ACSL3: variants seen among roughly 807,000 people sequenced by gnomAD.
ACSL3 encodes the protein acyl-CoA synthetase long chain family member 3.
ACSL3 carries 34 observed loss-of-function variants against 84.7 expected under a neutral mutation model. The observed-to-expected ratio is 0.40, with a 90% CI of 0.31 to 0.53. The LOEUF is 0.53. ACSL3 is among the 20% of genes least tolerant of loss of function. The probability of loss-of-function intolerance (pLI) is 0.48; values close to 1 mark genes in which losing one functional copy is unlikely to be tolerated. For missense variants in ACSL3, 680 were observed against 873.1 expected (o/e 0.78, Z 2.79); for synonymous variants, 315 against 299.4 (o/e 1.05, Z -0.54).
At chr2:222,902,431 AATTCAAAT>A (rs1243053750) in intron 3 of ACSL3, among the ~76,000 whole-genome samples, 19 of 152,314 alleles carry the variant, frequency 1.2e-4, no homozygotes, top group Admixed American at 1.2e-3. Flanking sequence ...ATTAAAATAT[AATTCAAAT>A]CCTTCAATAA....
chr2:222,922,780 T>G lies in ACSL3; in HGVS notation c.1029T>G (p.Leu343=). 1 of 1,614,222 alleles carries G rather than the reference T, an allele frequency of 6.2e-7. No individual in the cohort carries two copies. Among genetic ancestry groups the G allele is most frequent in the East Asian group, 2.2e-5 (1 of 44,894 alleles). ...AATTAAGTGCTGAGCTTGTCTGTCT[T>G]TCTCACGGATGCCGCATTGGTTACT... is the stretch of plus-strand genomic sequence containing the variant. The part of the protein sequence containing the change: ...VLELSAELVC[L]SHGCRIGYSS... The change falls in exon 9 of 17, where the codon CTT becomes CTG. Residue 343 remains leucine (L), a synonymous_variant. Transcript: ENST00000357430.
chr2:222,877,714 A>C (rs1009941769), intron 1 of ACSL3, among the ~76,000 whole-genome samples: 2 of 152,230 alleles, frequency 1.3e-5, no homozygotes, highest in Admixed American at 6.5e-5. Flanking sequence ...GTTAGATTAC[A>C]TGCTAGAAAT....
intron 1 of ACSL3, among the ~76,000 whole-genome samples, chr2:222,885,929 G>A (rs890994188): frequency 7.9e-5 from 12 of 152,100 alleles, no homozygotes; most frequent in African/African-American, 2.7e-4. Flanking sequence ...TTTTAGTGGA[G>A]TTGGGGTTTC....
chr2:222,884,105 T>C lies in ACSL3; in HGVS notation c.-206-3725T>C, dbSNP rs868616416. On this transcript the variant is annotated intron_variant, in intron 1 of 16. Coordinates refer to ENST00000357430, the MANE Select transcript of ACSL3 (RefSeq NM_004457.5). ...TGATAGTGATGGTTTTTCACAAATATCTGGTGATTAAGAACTTTATCTTCT... is the reference window on the plus strand; with the variant it reads ...TGATAGTGATGGTTTTTCACAAATACCTGGTGATTAAGAACTTTATCTTCT... Among the ~76,000 whole-genome samples the C allele has an allele frequency of 3.0e-4, 46 of 152,362 alleles. 1 individual carries two copies. The highest frequency in any genetic ancestry group is 6.8e-3 in the Middle Eastern group (2 of 294).
chr2:222,930,955 A>AAT, intron 14 of ACSL3, 143 bp downstream of exon 14: 1 of 697,992 alleles, frequency 1.4e-6, no homozygotes, highest in Non-Finnish European at 2.3e-6. Flanking sequence ...TGGAATATAA[A>AAT]ATATTACGGA....
At chr2:222,937,929 C>G (rs908212570) in intron 16 of ACSL3, among the ~76,000 whole-genome samples, 34 of 151,762 alleles carry the variant, frequency 2.2e-4, no homozygotes, top group African/African-American at 8.2e-4. Flanking sequence ...TTCTTTGATT[C>G]CCTTGTCTTT....
chr2:222,892,741 C>T (rs771167614), intron 2 of ACSL3, among the ~76,000 whole-genome samples: 1 of 152,116 alleles, frequency 6.6e-6, no homozygotes. Context: ...TTGGACATGC[C>T]TTGGAGAGAC....
intron 2 of ACSL3, among the ~76,000 whole-genome samples, chr2:222,888,349 T>G (rs1454072596): frequency 6.6e-6 from 1 of 152,238 alleles, no homozygotes; most frequent in Non-Finnish European, 1.5e-5. Context: ...AGCACAATTT[T>G]ATTCTTTCTG....
intron 4 of ACSL3, among the ~76,000 whole-genome samples, chr2:222,913,044 A>G (rs1308228559): frequency 6.6e-6 from 1 of 152,254 alleles, no homozygotes; most frequent in Non-Finnish European, 1.5e-5. Context: ...AAGACTAAAA[A>G]TAGAAACAGA....
chr2:222,872,105 TA>T (rs1362314391), intron 1 of ACSL3, among the ~76,000 whole-genome samples: 1 of 152,182 alleles, frequency 6.6e-6, no homozygotes, highest in African/African-American at 2.4e-5. Flanking sequence ...ATAAAATAGA[TA>T]ATAGTACTAA....
At chr2:222,880,831 CAAA>C (rs34509695) in intron 1 of ACSL3, among the ~76,000 whole-genome samples, 1 of 75,692 alleles carries the variant, frequency 1.3e-5, no homozygotes. Context: ...CTCTGTCTCC[CAAA>C]AAAAAAAAAA....
intron 1 of ACSL3, among the ~76,000 whole-genome samples, chr2:222,867,448 G>A (rs1193165103): frequency 6.6e-6 from 1 of 152,138 alleles, no homozygotes; most frequent in Non-Finnish European, 1.5e-5. Flanking sequence ...TTACACATGT[G>A]TGTTTCCTTA....
intron 10 of ACSL3, 91 bp downstream of exon 10, chr2:222,923,240 G>A (rs1696786844): frequency 9.3e-7 from 1 of 1,070,866 alleles, no homozygotes; most frequent in Non-Finnish European, 1.4e-6. Context: ...TTGTTGACAA[G>A]GTAGTTTATG....
At position 222,919,177 on chromosome 2, in the gene ACSL3, G is replaced by A; in HGVS notation, c.780G>A (p.Glu260=). The change falls in exon 7 of 17, where the codon GAG becomes GAA. Residue 260 remains glutamate, a synonymous_variant. Coordinates refer to ENST00000357430, the MANE Select transcript of ACSL3 (RefSeq NM_004457.5). The part of the protein sequence containing the change: ...GIIVHTMAAV[E]ALGAKASMEN... ...TTGTGCATACCATGGCTGCAGTGGA[G>A]GCCCTGGGAGCCAAGGCCAGCATGG... 6.2e-7 allele frequency: 1 copy of A among 1,614,100 alleles called. No homozygotes were observed. The highest frequency in any genetic ancestry group is 8.5e-7 in the Non-Finnish European group (1 of 1,179,970).
At position 222,877,155 on chromosome 2, in the gene ACSL3, T is replaced by A. The variant is rs1559278171; in HGVS notation, c.-206-10675T>A. 3.9e-5 allele frequency among the ~76,000 whole-genome samples: 6 copies of A among 152,118 alleles called. No individual in the cohort carries two copies. The South Asian group carries it at 1.0e-3, about 26-fold the overall frequency. On this transcript the variant is annotated intron_variant, in intron 1 of 16. Coordinates refer to ENST00000357430, the MANE Select transcript of ACSL3 (RefSeq NM_004457.5). ...TCAGGCAGGGGGAGGCCTGATAGAT[T>A]GAGAAAGATGGTGGAGAGCTCAAGG...
In ACSL3 at chr2:222,904,293, C is replaced by CAAAACA. The variant is rs1553592908; in HGVS notation, c.-41+3517_-41+3518insCAAAAA. Among the ~76,000 whole-genome samples, 581 of 151,870 alleles carry CAAAACA rather than the reference C, an allele frequency of 3.8e-3. 2 individuals carry two copies. Among genetic ancestry groups the CAAAACA allele is most frequent in the Middle Eastern group, 0.021 (6 of 292 alleles). ...TCTCAAAAAACAAAACAAAACAAAA[C>CAAAACA]AAAAAACAATTATGGTCATTTTGAG... is the stretch of plus-strand genomic sequence containing the variant. On this transcript the variant is annotated intron_variant, in intron 3 of 16. Transcript: ENST00000357430.
intron 1 of ACSL3, among the ~76,000 whole-genome samples, chr2:222,881,795 C>T (rs1330844316): frequency 2.6e-5 from 4 of 152,292 alleles, no homozygotes; most frequent in South Asian, 4.1e-4. Context: ...TGAGCCATTG[C>T]GCCCGGCCTC....
At chr2:222,879,303 G>T (rs142187094) in intron 1 of ACSL3, among the ~76,000 whole-genome samples, 1 of 152,304 alleles carries the variant, frequency 6.6e-6, no homozygotes. Context: ...GGGGGACAGA[G>T]CGAGACTGTC....
At chr2:222,861,598 GA>G (rs1559270865) in intron 1 of ACSL3, 1 of 152,296 alleles carries the variant, frequency 6.6e-6, no homozygotes, top group East Asian at 1.9e-4. Context: ...GCGGGGTGGG[GA>G]GGCCACCCCC....
Sources: allele counts gnomAD v4.1 joint callset (sites outside exome capture counted in the v4.1 genomes callset), GRCh38; gene constraint gnomAD v4.1.1; transcripts MANE v1.5; gene names NCBI Gene and HGNC (gene_info 2026-07-23, HGNC 2026-07-21).